Variants in KCNMB2 observed in about 807,000 individuals in gnomAD.
The protein encoded by KCNMB2 is calcium-activated potassium channel subunit beta-2.
KCNMB2 carries 9 observed loss-of-function variants against 24.5 expected under a neutral mutation model. The observed-to-expected ratio is 0.37, with a 90% CI of 0.22 to 0.64. The LOEUF is 0.64. Among genes scored for constraint, KCNMB2 ranks in the 30% least tolerant of loss-of-function variants. The probability of loss-of-function intolerance (pLI) is 0.63; values close to 1 mark genes in which losing one functional copy is unlikely to be tolerated. For missense variants in KCNMB2, 226 were observed against 284.3 expected, an observed-to-expected ratio of 0.79 and a Z score of 1.47; for synonymous variants, 109 against 104.4, an observed-to-expected ratio of 1.04 and a Z score of -0.27.
At chr3:178,687,992 G>C (rs1013151572) in intron 1 of KCNMB2, among the ~76,000 whole-genome samples, 4 of 152,108 alleles carry the variant, frequency 2.6e-5, no homozygotes, top group African/African-American at 9.7e-5. Flanking sequence ...CTCAATCAAT[G>C]AAAGTTTGGG....
chr3:178,600,998 G>A (rs537752764), intron 1 of KCNMB2, among the ~76,000 whole-genome samples: 5 of 152,178 alleles, frequency 3.3e-5, no homozygotes, highest in East Asian at 1.9e-4. Flanking sequence ...TATACACCAC[G>A]GAATACTATG....
In KCNMB2 at chr3:178,838,479, G is replaced by A. The variant is rs111835228; in HGVS notation, c.424-4174G>A. Among the ~76,000 whole-genome samples, 1,036 of 151,224 alleles carry A rather than the reference G, an allele frequency of 6.9e-3. 19 individuals are homozygous for A. Among genetic ancestry groups the A allele is most frequent in the African/African-American group, 0.024 (994 of 41,288 alleles). ...GAACAGCACATTAAACGTGGTTTACGATAAATGCCAGCATGCTCATCCTCC... is the reference window on the plus strand; with the variant it reads ...GAACAGCACATTAAACGTGGTTTACAATAAATGCCAGCATGCTCATCCTCC... On this transcript the variant is annotated intron_variant, in intron 4 of 4. Transcript: ENST00000452583.
chr3:178,665,871 A>G (rs1410843513), intron 1 of KCNMB2, among the ~76,000 whole-genome samples: 3 of 152,202 alleles, frequency 2.0e-5, no homozygotes, highest in Non-Finnish European at 4.4e-5. Context: ...CTCAAATCTC[A>G]GAACTATTCC....
intron 1 of KCNMB2, among the ~76,000 whole-genome samples, chr3:178,762,535 T>TG (rs1460011856): frequency 1.3e-5 from 2 of 152,132 alleles, no homozygotes; most frequent in African/African-American, 4.8e-5. Flanking sequence ...CCTGATAAAA[T>TG]GTCCTATTTT....
chr3:178,790,290 G>A (rs532446376), intron 1 of KCNMB2, among the ~76,000 whole-genome samples: 1 of 152,180 alleles, frequency 6.6e-6, no homozygotes, highest in East Asian at 1.9e-4. Flanking sequence ...GGGCTTCAGT[G>A]AGACCCAGGG....
chr3:178,728,027 C>A (rs1158098497), intron 1 of KCNMB2, among the ~76,000 whole-genome samples: 5 of 152,182 alleles, frequency 3.3e-5, no homozygotes, highest in African/African-American at 9.7e-5. Context: ...CTGTGAGTGC[C>A]TTGGAAACAG....
intron 2 of KCNMB2, among the ~76,000 whole-genome samples, chr3:178,812,138 AT>A (rs1714217123): frequency 6.6e-6 from 1 of 152,046 alleles, no homozygotes; most frequent in Non-Finnish European, 1.5e-5. Flanking sequence ...CATATTAATT[AT>A]TTATCTGCTA....
intron 1 of KCNMB2, among the ~76,000 whole-genome samples, chr3:178,571,296 A>G (rs1360192384): frequency 6.6e-6 from 1 of 151,364 alleles, no homozygotes; most frequent in Non-Finnish European, 1.5e-5. Context: ...TTTTACCACA[A>G]GTGACTCTGT....
chr3:178,680,064 C>T (rs1184090540), intron 1 of KCNMB2, among the ~76,000 whole-genome samples: 1 of 152,048 alleles, frequency 6.6e-6, no homozygotes, highest in Non-Finnish European at 1.5e-5. Flanking sequence ...TAGTGGACAA[C>T]TTTCTGGAGA....
chr3:178,695,032 G>C (rs1721824563), intron 1 of KCNMB2, among the ~76,000 whole-genome samples: 1 of 152,236 alleles, frequency 6.6e-6, no homozygotes, highest in African/African-American at 2.4e-5. Flanking sequence ...TTCTGCCTGG[G>C]CATCCAGGCA....
In KCNMB2 at chr3:178,799,205, G is replaced by A. The variant is rs376132741; in HGVS notation, c.-67-8138G>A. Among the ~76,000 whole-genome samples, 50 of 152,170 alleles carry A rather than the reference G, an allele frequency of 3.3e-4. 1 individual carries two copies. The South Asian group carries it at 0.01, about 31-fold the overall frequency. Reference sequence around the variant, plus strand: ...AGCAATCAGACAAGGGAGAGAAATAGAAGACATCCAAATTGGAAAGGAAGA... The same window carrying A: ...AGCAATCAGACAAGGGAGAGAAATAAAAGACATCCAAATTGGAAAGGAAGA... On this transcript the variant is annotated intron_variant, in intron 1 of 4. Transcript: ENST00000452583.
chr3:178,758,179 T>TAA (rs1261914934), intron 1 of KCNMB2, among the ~76,000 whole-genome samples: 2 of 78,314 alleles, frequency 2.6e-5, no homozygotes, highest in African/African-American at 1.0e-4. Context: ...TATATATATA[T>TAA]ATCCAAGGGG....
At chr3:178,835,543 T>C (rs1207049703) in intron 4 of KCNMB2, among the ~76,000 whole-genome samples, 1 of 152,192 alleles carries the variant, frequency 6.6e-6, no homozygotes, top group African/African-American at 2.4e-5. Context: ...CTTTGAACAT[T>C]TGAGCTATGT....
At chr3:178,667,522 G>A (rs1420991165) in intron 1 of KCNMB2, among the ~76,000 whole-genome samples, 1 of 152,038 alleles carries the variant, frequency 6.6e-6, no homozygotes, top group Non-Finnish European at 1.5e-5. Context: ...CTACAACCGT[G>A]AGAAATCACA....
intron 1 of KCNMB2, among the ~76,000 whole-genome samples, chr3:178,670,489 G>A (rs920355850): frequency 6.6e-6 from 1 of 152,118 alleles, no homozygotes; most frequent in Admixed American, 6.6e-5. Context: ...GTGTTCTGAG[G>A]TCTTTATTGT....
intron 1 of KCNMB2, among the ~76,000 whole-genome samples, chr3:178,670,337 C>T (rs751837205): frequency 2.0e-5 from 3 of 151,812 alleles, no homozygotes; most frequent in Non-Finnish European, 2.9e-5. Context: ...ACACCAGTCA[C>T]GACAATCAAA....
chr3:178,640,580 C>T (rs1451039876), intron 1 of KCNMB2, among the ~76,000 whole-genome samples: 1 of 152,116 alleles, frequency 6.6e-6, no homozygotes, highest in Non-Finnish European at 1.5e-5. Flanking sequence ...GTCTCTATGC[C>T]TTGAAAATTT....
chr3:178,780,828 C>A (rs1210208985), intron 1 of KCNMB2, among the ~76,000 whole-genome samples: 1 of 152,114 alleles, frequency 6.6e-6, no homozygotes, highest in Non-Finnish European at 1.5e-5. Context: ...AAACATAAGA[C>A]CTATTACATA....
chr3:178,758,040 ATCTAGATATATATATATATCT>A (rs1724231671), intron 1 of KCNMB2, among the ~76,000 whole-genome samples: 4 of 2,746 alleles, frequency 1.5e-3, no homozygotes, highest in African/African-American at 2.1e-3. Flanking sequence ...ATATATATAT[ATCTAGATATATATATATATCT>A]CCAAGAGGAT....
Sources: allele counts gnomAD v4.1 joint callset (sites outside exome capture counted in the v4.1 genomes callset), GRCh38; gene constraint gnomAD v4.1.1; transcripts MANE v1.5; gene names NCBI Gene and HGNC (gene_info 2026-07-23, HGNC 2026-07-21).